CATSPERT: variants seen among roughly 807,000 people sequenced by gnomAD.
The protein encoded by CATSPERT is cation channel sperm-associated targeting subunit tau.
At chr2:201,601,664 A>T in the CATSPERT span, 2 of 1,396,028 alleles carry the variant, frequency 1.4e-6, no homozygotes, top group Non-Finnish European at 1.9e-6. Context: ...CATTTTTATA[A>T]AAAGACAGAA....
the CATSPERT span, among the ~76,000 whole-genome samples, chr2:201,515,427 G>C: frequency 2.0e-5 from 3 of 151,494 alleles, no homozygotes; most frequent in Non-Finnish European, 4.4e-5. Context: ...TAGAGACACA[G>C]TTTCCCCATG....
the CATSPERT span, among the ~76,000 whole-genome samples, chr2:201,513,819 G>A: frequency 6.6e-6 from 1 of 152,038 alleles, no homozygotes; most frequent in Non-Finnish European, 1.5e-5. Flanking sequence ...CAAAATTGTA[G>A]GCTATAAAAC....
At chr2:201,523,854 A>T in the CATSPERT span, among the ~76,000 whole-genome samples, 1 of 152,246 alleles carries the variant, frequency 6.6e-6, no homozygotes, top group Non-Finnish European at 1.5e-5. Context: ...CAATACAATC[A>T]GAAGCATCAA....
chr2:201,491,317 C>T, the CATSPERT span: 20 of 1,537,754 alleles, frequency 1.3e-5, no homozygotes, highest in African/African-American at 8.2e-5. Context: ...TCTTTCTTTT[C>T]GGACCTTGGG....
At chr2:201,568,172 G>T in the CATSPERT span, among the ~76,000 whole-genome samples, 1 of 152,140 alleles carries the variant, frequency 6.6e-6, no homozygotes, top group Non-Finnish European at 1.5e-5. Context: ...GAGGTAGAAG[G>T]CCCTTGAATT....
the CATSPERT span, among the ~76,000 whole-genome samples, chr2:201,504,064 C>T: frequency 2.0e-5 from 3 of 152,164 alleles, no homozygotes; most frequent in Non-Finnish European, 4.4e-5. Flanking sequence ...TCCTTGCTTT[C>T]AGTAATTTTC....
At chr2:201,609,349 A>C in the CATSPERT span, among the ~76,000 whole-genome samples, 6 of 152,214 alleles carry the variant, frequency 3.9e-5, no homozygotes, top group Non-Finnish European at 7.3e-5. Context: ...GACCTAACAG[A>C]CATTTACAGA....
chr2:201,546,587 C>T, the CATSPERT span, among the ~76,000 whole-genome samples: 1 of 152,008 alleles, frequency 6.6e-6, no homozygotes, highest in Admixed American at 6.6e-5. Context: ...AATGAGATAC[C>T]ACTTCAAACC....
the CATSPERT span, among the ~76,000 whole-genome samples, chr2:201,579,089 C>T: frequency 2.6e-5 from 4 of 151,978 alleles, no homozygotes; most frequent in African/African-American, 9.7e-5. Context: ...CAATGTTTAC[C>T]TTGGATACTG....
the CATSPERT span, among the ~76,000 whole-genome samples, chr2:201,545,371 A>G: frequency 6.6e-6 from 1 of 152,040 alleles, no homozygotes; most frequent in Admixed American, 6.6e-5. Context: ...AGGGTCTAAC[A>G]CTTTTCTTTA....
the CATSPERT span, among the ~76,000 whole-genome samples, chr2:201,562,187 C>CCTTTTT: frequency 8.2e-6 from 1 of 121,274 alleles, no homozygotes; most frequent in Non-Finnish European, 1.7e-5. Context: ...TCTAATAATT[C>CCTTTTT]TTTTTTTTTT....
At chr2:201,600,214 A>G in the CATSPERT span, among the ~76,000 whole-genome samples, 1 of 152,256 alleles carries the variant, frequency 6.6e-6, no homozygotes. Flanking sequence ...AGACTGGATT[A>G]AGAAAATGTG....
the CATSPERT span, among the ~76,000 whole-genome samples, chr2:201,516,317 T>C: frequency 6.6e-6 from 1 of 152,222 alleles, no homozygotes; most frequent in Non-Finnish European, 1.5e-5. Flanking sequence ...AAAGGTTTAA[T>C]TGACTCACAG....
At chr2:201,572,052 T>C in the CATSPERT span, 40 of 1,532,450 alleles carry the variant, frequency 2.6e-5, no homozygotes, top group Admixed American at 5.0e-5. Context: ...TTTAGCACTG[T>C]TTAGTTTCAA....
chr2:201,618,848 T>A, the CATSPERT span: 2 of 1,566,646 alleles, frequency 1.3e-6, no homozygotes, highest in Non-Finnish European at 8.7e-7. Flanking sequence ...ACCCTCCAGG[T>A]GCCCTGCTGG....
the CATSPERT span, among the ~76,000 whole-genome samples, chr2:201,502,681 A>G: frequency 6.6e-6 from 1 of 150,528 alleles, no homozygotes; most frequent in Non-Finnish European, 1.5e-5. Flanking sequence ...GTTTCTCTTT[A>G]TCATTGATTC....
At chr2:201,606,760 G>A in the CATSPERT span, among the ~76,000 whole-genome samples, 4 of 152,212 alleles carry the variant, frequency 2.6e-5, no homozygotes, top group South Asian at 2.1e-4. Flanking sequence ...TTAGCTGGGC[G>A]TGGTGGTGCA....
chr2:201,494,426 T>G, the CATSPERT span: 3 of 1,537,680 alleles, frequency 2.0e-6, no homozygotes, highest in Non-Finnish European at 2.6e-6. Flanking sequence ...TCTCCTTTGA[T>G]GCTTGGTAAA....
the CATSPERT span, among the ~76,000 whole-genome samples, chr2:201,539,364 T>C: frequency 2.0e-5 from 3 of 152,164 alleles, no homozygotes; most frequent in African/African-American, 7.2e-5. Flanking sequence ...CCATTCTGAC[T>C]GGTGTGAGAT....
Sources: gnomAD v4.1 joint callset for allele counts (sites outside exome capture counted in the v4.1 genomes callset) on GRCh38, gnomAD v4.1.1 for gene constraint, MANE v1.5 for transcripts, NCBI Gene and HGNC (gene_info 2026-07-23, HGNC 2026-07-21) for gene names.